Variants in MROH1 observed in about 807,000 individuals in gnomAD.
The protein encoded by MROH1 is maestro heat like repeat family member 1.
MROH1 carries 117 observed loss-of-function variants against 116.5 expected under a neutral mutation model. The ratio of observed to expected loss-of-function variants is 1.00; its 90% CI spans 0.86 to 1.17. The LOEUF (loss-of-function observed/expected upper bound fraction) is 1.17, where lower values mean the gene tolerates loss of function less well. MROH1 is among the 50% of genes most tolerant of loss of function. The probability of loss-of-function intolerance (pLI) is 0.00; values close to 1 mark genes in which losing one functional copy is unlikely to be tolerated. For synonymous variants in MROH1, 921 were observed against 583.9 expected (o/e 1.58, Z -8.32); for missense variants, 1,873 against 1,338.5 (o/e 1.40, Z -6.23).
chr8:144,239,530 G>A (rs1194033548), intron 17 of MROH1, 84 bp from the exon 18 acceptor site: 26 of 758,174 alleles, frequency 3.4e-5, no homozygotes, highest in Non-Finnish European at 5.4e-5. Context: ...GCTCCCCGTC[G>A]GGTGATGTGG....
intron 31 of MROH1, 125 bp from the exon 32 acceptor site, chr8:144,248,752 G>A (rs1252448733): frequency 4.3e-6 from 3 of 699,916 alleles, no homozygotes; most frequent in Non-Finnish European, 7.9e-6. Context: ...CCAGCGGCTG[G>A]GGCCCGGCTG....
chr8:144,250,159 C>T, intron 32 of MROH1, 53 bp from the exon 33 acceptor site: 2 of 745,044 alleles, frequency 2.7e-6, no homozygotes, highest in East Asian at 2.5e-5. Flanking sequence ...CGTAGGTGTG[C>T]CCACAGCTGT....
chr8:144,246,997 G>A (rs1203657166), intron 29 of MROH1, among the ~76,000 whole-genome samples: 1 of 152,252 alleles, frequency 6.6e-6, no homozygotes, highest in Admixed American at 6.5e-5. Context: ...CCGTCTGCCT[G>A]CACACGCCTG....
chr8:144,173,928 G>A (rs756863254), intron 4 of MROH1, among the ~76,000 whole-genome samples: 15 of 152,128 alleles, frequency 9.9e-5, no homozygotes, highest in Admixed American at 3.3e-4. Flanking sequence ...TTTATTGAGC[G>A]ATGAAAATGG....
At chr8:144,223,002 A>T in intron 13 of MROH1, 106 bp from the exon 14 acceptor site, 2 of 1,505,208 alleles carry the variant, frequency 1.3e-6, no homozygotes, top group Non-Finnish European at 9.0e-7. Flanking sequence ...TTGTGGGCAC[A>T]TGTGTGGATG....
At chr8:144,216,680 A>G (rs1371182731) in intron 12 of MROH1, among the ~76,000 whole-genome samples, 1 of 118,350 alleles carries the variant, frequency 8.4e-6, no homozygotes. Context: ...CATATTTTTT[A>G]CTGCTTTTTT....
intron 12 of MROH1, among the ~76,000 whole-genome samples, chr8:144,203,509 T>C (rs1388073836): frequency 2.2e-5 from 3 of 139,206 alleles, no homozygotes; most frequent in Admixed American, 7.1e-5. Flanking sequence ...GGGAGGGGAG[T>C]GCCTGCTCTC....
chr8:144,255,103 G>C, intron 34 of MROH1, 125 bp downstream of exon 34: 1 of 614,284 alleles, frequency 1.6e-6, no homozygotes, highest in Non-Finnish European at 2.9e-6. Flanking sequence ...GGCAGCACCG[G>C]GCTGGGAGCT....
Position 144,238,863 on chromosome 8 carries a change from C to T in MROH1, c.1446C>T (p.His482=), listed in dbSNP as rs1020841326. The T allele has an allele frequency of 1.0e-5, 8 of 772,948 alleles. No homozygotes were observed. Among genetic ancestry groups the T allele is most frequent in the South Asian group, 8.0e-5 (6 of 74,590 alleles). The allele number at this position is 772,948 out of a possible 1,614,324, so 47.9% of individuals were successfully genotyped here. The change falls in exon 15 of 44, where the codon CAC becomes CAT. Residue 482 remains histidine (H), a splice_region_variant and synonymous_variant. Transcript: ENST00000326134. The part of the protein sequence containing the change: ...LVSTTVDRMS[H]VLWPYLLQFL... ...GCACCACCGTGGACAGGATGAGTCACGTGAGTGCACGGCACCCGTCCCTGC... is the reference window on the plus strand; with the variant it reads ...GCACCACCGTGGACAGGATGAGTCATGTGAGTGCACGGCACCCGTCCCTGC...
rs762773921 is a variant in MROH1 at position 144,190,773 on chromosome 8, C to T, written c.563-11C>T. On this transcript the variant is annotated splice_polypyrimidine_tract_variant and intron_variant, in intron 7 of 43. Transcript: ENST00000326134. ...TGGCCTGCAGCCACTTACCACTGGC[C>T]GGTTTTGTAGCTCTGCAGCGCTTCA... The T allele has an allele frequency of 2.3e-5, 37 of 1,611,056 alleles. No homozygotes were observed. The highest frequency in any genetic ancestry group is 1.7e-4 in the Middle Eastern group (1 of 5,886).
intron 1 of MROH1, among the ~76,000 whole-genome samples, chr8:144,156,380 A>G (rs1818087345): frequency 6.6e-6 from 1 of 151,862 alleles, no homozygotes; most frequent in African/African-American, 2.4e-5. Flanking sequence ...TATTGAGATG[A>G]TCGTGATGTG....
In MROH1 at chr8:144,244,266, T is replaced by C; in HGVS notation, c.2600T>C (p.Ile867Thr). The change falls in exon 27 of 44, where the codon ATC (isoleucine) becomes ACC (threonine). Residue 867 changes from isoleucine (I) to threonine (T), a missense_variant. Coordinates refer to ENST00000326134, the MANE Select transcript of MROH1 (RefSeq NM_032450.3). ...ALDEQARADV[I>T]HGCLHSIMAL... ...GACGAGCAGGCCCGGGCGGATGTGA[T>C]CCATGGCTGCCTGCACAGCATCATG... 1.4e-6 allele frequency: 1 copy of C among 718,700 alleles called. No individual in the cohort carries two copies. Among genetic ancestry groups the C allele is most frequent in the Non-Finnish European group, 2.6e-6 (1 of 385,154 alleles). 44.5% of individuals were successfully genotyped at this position (718,700 alleles called of 1,614,324 possible). A position where few individuals can be genotyped will look rare whatever the true frequency, so the allele number is the denominator to read the frequency against.
Position 144,179,551 on chromosome 8 carries a change from A to G in MROH1, c.265A>G (p.Ile89Val). 3 of 1,612,920 alleles carry G rather than the reference A, an allele frequency of 1.9e-6. No homozygotes were observed. Among genetic ancestry groups the G allele is most frequent in the Non-Finnish European group, 2.5e-6 (3 of 1,179,602 alleles). The change falls in exon 5 of 44, where the codon ATC (isoleucine) becomes GTC (valine). Residue 89 changes from isoleucine to valine, a missense_variant. Transcript: ENST00000326134. Reference protein sequence around the residue: ...ELDKDTASTIILLASSEMTKT... With the variant: ...ELDKDTASTIVLLASSEMTKT... ...GGACAAGGACACAGCCAGCACCATC[A>G]TCCTCCTGGCCTCCAGCGAGATGAC...
chr8:144,187,179 G>A (rs1452697008), intron 7 of MROH1, among the ~76,000 whole-genome samples: 1 of 152,116 alleles, frequency 6.6e-6, no homozygotes, highest in African/African-American at 2.4e-5. Flanking sequence ...GGGAGGCCGA[G>A]GTGGTTGGAT....
At chr8:144,214,548 G>A (rs913924329) in intron 12 of MROH1, 4 of 152,110 alleles carry the variant, frequency 2.6e-5, no homozygotes, top group Non-Finnish European at 4.4e-5. Context: ...GTTTTTCCTT[G>A]GTGCTTTTTA....
chr8:144,179,732 C>A, intron 5 of MROH1, 146 bp downstream of exon 5: 1 of 1,052,190 alleles, frequency 9.5e-7, no homozygotes, highest in Non-Finnish European at 1.4e-6. Context: ...TCTCATGCAT[C>A]ACCCTGCAGG....
chr8:144,174,878 C>T, intron 4 of MROH1: 1 of 985,382 alleles, frequency 1.0e-6, no homozygotes, highest in South Asian at 4.7e-5. Context: ...CTGAGTCAGC[C>T]TGTCACCCTG....
intron 36 of MROH1, 93 bp from the exon 37 acceptor site, chr8:144,259,147 G>A: frequency 1.4e-6 from 1 of 696,244 alleles, no homozygotes; most frequent in South Asian, 1.5e-5. Flanking sequence ...GCAGCTGGCG[G>A]TGGAGCGGAC....
Position 144,260,826 on chromosome 8 carries a change from G to T in MROH1, c.4530G>T (p.Val1510=). 1.3e-6 allele frequency: 1 copy of T among 777,754 alleles called. No individual in the cohort carries two copies. The allele number at this position is 777,754 out of a possible 1,614,324, so 48.2% of individuals were successfully genotyped here. ...ACCTGCAGGACCCTCAGGCCACCGT[G>T]GCCAGCGTGAGTAGCCAGGGGGTGA... The part of the protein sequence containing the change: ...LLHLQDPQAT[V]ASACRFALRM... The change falls in exon 40 of 44, where the codon GTG becomes GTT. Residue 1510 remains valine (V), a synonymous_variant. Transcript: ENST00000326134.
Sources: gnomAD v4.1 joint callset for allele counts (sites outside exome capture counted in the v4.1 genomes callset) on GRCh38, gnomAD v4.1.1 for gene constraint, MANE v1.5 for transcripts, NCBI Gene and HGNC (gene_info 2026-07-23, HGNC 2026-07-21) for gene names.